The following CHD2 variants were observed in gnomAD, a reference collection of about 807,000 sequenced individuals.
CHD2 encodes the protein ATP-dependent chromatin remodeler CHD2.
Under a neutral mutation model 243.9 loss-of-function variants are expected in CHD2, and 28 were observed. That is an observed-to-expected ratio of 0.11 (90% confidence interval 0.09 to 0.16). The LOEUF is 0.16. Ranked by LOEUF, CHD2 falls within the 10% of genes least tolerant of loss-of-function variation. The pLI, the probability that CHD2 is intolerant of heterozygous loss-of-function variation, is 1.00. For synonymous variants in CHD2, 775 were observed against 779.0 expected (o/e 0.99, Z 0.09); for missense variants, 1,386 against 2,209.8 (o/e 0.63, Z 7.47).
intron 15 of CHD2, 126 bp downstream of exon 15, chr15:92,955,638 G>A: frequency 1.8e-6 from 1 of 567,560 alleles, no homozygotes; most frequent in Non-Finnish European, 3.0e-6. Context: ...AAAAACAAAT[G>A]GTAGGGTCTG....
intron 10 of CHD2, 125 bp from the exon 11 acceptor site, chr15:92,945,695 CA>C (rs1343967072): frequency 2.9e-4 from 161 of 558,778 alleles, no homozygotes; most frequent in African/African-American, 2.8e-3. Context: ...ACTATAATCC[CA>C]TTTTTTTTTT....
In CHD2 at chr15:93,024,631, C is replaced by T. The variant is rs2141761768; in HGVS notation, c.5413C>T (p.His1805Tyr). The T allele has an allele frequency of 1.7e-5, 27 of 1,614,200 alleles. No individual in the cohort carries two copies. The highest frequency in any genetic ancestry group is 2.3e-5 in the Non-Finnish European group (27 of 1,180,028). The change falls in exon 39 of 39, where the codon CAT becomes TAT. Residue 1805 changes from histidine (H) to tyrosine (Y), a missense_variant. Physicochemically the swap from His to Tyr is moderately conservative, Grantham distance 83. This residue lies in a region of CHD2 where 347 missense variants were observed against 341.6 expected (regional missense o/e 1.02). Coordinates refer to ENST00000394196, the MANE Select transcript of CHD2 (RefSeq NM_001271.4). Reference protein sequence around the residue: ...SPHDSKSPLDHRSPLERSLEQ... With the variant: ...SPHDSKSPLDYRSPLERSLEQ... ...TCACGATTCCAAGTCACCCCTGGATCATAGGTCTCCTTTGGAGAGATCACT... is the reference window on the plus strand; with the variant it reads ...TCACGATTCCAAGTCACCCCTGGATTATAGGTCTCCTTTGGAGAGATCACT...
intron 6 of CHD2, 24 bp from the exon 7 acceptor site, chr15:92,939,554 C>G (rs143657198): frequency 6.2e-7 from 1 of 1,606,156 alleles, no homozygotes; most frequent in East Asian, 2.2e-5. Context: ...AAGACTTAGC[C>G]TTTTGTTTCT....
Position 93,024,770 on chromosome 15 carries a change from C to T in CHD2, c.*65C>T, listed in dbSNP as rs868121591. ...CGTGGATATTTTTGGTCTGATCCTA[C>T]AGTAGCCGGTTATCTAGACCAGTAA... is the stretch of plus-strand genomic sequence containing the variant. On this transcript the variant is annotated 3_prime_UTR_variant, in exon 39 of 39. Transcript: ENST00000394196. The T allele has an allele frequency of 3.4e-5, 47 of 1,380,992 alleles. No individual in the cohort carries two copies. The highest frequency in any genetic ancestry group is 4.6e-5 in the Non-Finnish European group (46 of 1,006,566). The allele number at this position is 1,380,992 out of a possible 1,614,324, so 85.5% of individuals were successfully genotyped here.
intron 3 of CHD2, among the ~76,000 whole-genome samples, chr15:92,926,835 G>A (rs2053070734): frequency 6.6e-6 from 1 of 152,168 alleles, no homozygotes; most frequent in Non-Finnish European, 1.5e-5. Flanking sequence ...TAGACTTAAT[G>A]GGGGCTTTGC....
At position 92,979,250 on chromosome 15, in the gene CHD2, G is replaced by A. The variant is rs1158357314; in HGVS notation, c.2843G>A (p.Arg948Gln). 1.9e-6 allele frequency: 3 copies of A among 1,613,730 alleles called. No homozygotes were observed. The highest frequency in any genetic ancestry group is 2.7e-5 in the African/African-American group (2 of 74,858). The change falls in exon 22 of 39, where the codon CGG (arginine) becomes CAG (glutamine). Residue 948 changes from arginine to glutamine, a missense_variant. This residue lies in a region of CHD2 where 99 missense variants were observed against 206.4 expected (regional missense o/e 0.48). Transcript: ENST00000394196. Reference sequence around the variant, plus strand: ...ATTCAGCGCATGGACACCACTGGCCGGACGATCCTGGAAAACAACTCAGGA... The same window carrying A: ...ATTCAGCGCATGGACACCACTGGCCAGACGATCCTGGAAAACAACTCAGGA... ...LVIQRMDTTG[R>Q]TILENNSGRS... is the part of the protein sequence containing the mutation.
chr15:93,005,533 T>C lies in CHD2; in HGVS notation c.4413+782T>C, dbSNP rs974312114. On this transcript the variant is annotated intron_variant, in intron 34 of 38. Coordinates refer to ENST00000394196, the MANE Select transcript of CHD2 (RefSeq NM_001271.4). Reference sequence around the variant, plus strand: ...CATTAATCAAACGGCTCATTCAGGCTGAAAGAAAAAGCGGTTTTCTTTCAA... The same window carrying C: ...CATTAATCAAACGGCTCATTCAGGCCGAAAGAAAAAGCGGTTTTCTTTCAA... Among the ~76,000 whole-genome samples the C allele has an allele frequency of 1.6e-4, 25 of 152,046 alleles. No individual in the cohort carries two copies. The East Asian group carries it at 4.4e-3, about 27-fold the overall frequency.
Position 93,012,039 on chromosome 15 carries a change from G to A in CHD2, c.4593-306G>A, listed in dbSNP as rs569364355. On this transcript the variant is annotated intron_variant, in intron 35 of 38. Transcript: ENST00000394196. ...TGTCAGACTCTTTTGGCAGAACCATGTAAAGGTGTACGGTAAGTCCTCACA... is the reference window on the plus strand; with the variant it reads ...TGTCAGACTCTTTTGGCAGAACCATATAAAGGTGTACGGTAAGTCCTCACA... Among the ~76,000 whole-genome samples, 12 of 152,290 alleles carry A rather than the reference G, an allele frequency of 7.9e-5. No individual in the cohort carries two copies. The East Asian group carries it at 1.9e-3, about 24-fold the overall frequency.
Position 92,998,746 on chromosome 15 carries a change from G to GT in CHD2, c.4008+130dup. 1 of 1,226,870 alleles carries GT rather than the reference G, an allele frequency of 8.2e-7. No homozygotes were observed. Among genetic ancestry groups the GT allele is most frequent in the Non-Finnish European group, 1.1e-6 (1 of 885,434 alleles). The allele number at this position is 1,226,870 out of a possible 1,614,324, so 76.0% of individuals were successfully genotyped here. On this transcript the variant is annotated intron_variant, in intron 31 of 38. Coordinates refer to ENST00000394196, the MANE Select transcript of CHD2 (RefSeq NM_001271.4). The surrounding 1 kb of genome is among the most constrained non-coding windows in gnomAD (Gnocchi z 5.1). ...TGTCACCTTCTCATGGGCATATTTT[G>GT]TTTTTGAGGTTCCAGTAATGATGCT...
At chr15:92,907,478 T>C (rs2052644438) in intron 2 of CHD2, among the ~76,000 whole-genome samples, 1 of 152,240 alleles carries the variant, frequency 6.6e-6, no homozygotes, top group African/African-American at 2.4e-5. Flanking sequence ...CTTGATTTTA[T>C]ACTTTGGATT....
At chr15:92,977,678 A>AT (rs1238403407) in intron 20 of CHD2, among the ~76,000 whole-genome samples, 2 of 152,016 alleles carry the variant, frequency 1.3e-5, no homozygotes, top group African/African-American at 4.8e-5. Flanking sequence ...ACCTGTTTTG[A>AT]TTTTTTTATA....
At chr15:92,923,880 G>A (rs929185029) in intron 2 of CHD2, among the ~76,000 whole-genome samples, 1 of 151,996 alleles carries the variant, frequency 6.6e-6, no homozygotes, top group Non-Finnish European at 1.5e-5. Context: ...GTTTGGTTTT[G>A]TTCTGTGTTT....
intron 12 of CHD2, among the ~76,000 whole-genome samples, chr15:92,948,052 G>C (rs916311449): frequency 6.6e-6 from 1 of 152,010 alleles, no homozygotes; most frequent in African/African-American, 2.4e-5. Flanking sequence ...CTTTTTGATC[G>C]GTTGTTTCCT....
At chr15:92,979,649 T>C (rs540544210) in intron 22 of CHD2, among the ~76,000 whole-genome samples, 1 of 151,890 alleles carries the variant, frequency 6.6e-6, no homozygotes, top group Non-Finnish European at 1.5e-5. Context: ...TTTTTTTTTT[T>C]ACTATTGGCA....
chr15:93,004,157 T>C (rs1055171490), intron 33 of CHD2, among the ~76,000 whole-genome samples: 27 of 151,822 alleles, frequency 1.8e-4, no homozygotes, highest in Non-Finnish European at 3.2e-4. Context: ...CTGAAGTCAT[T>C]TTATATATTC....
At chr15:92,942,124 A>G (rs975027475) in intron 8 of CHD2, among the ~76,000 whole-genome samples, 169 bp downstream of exon 8, 1 of 152,224 alleles carries the variant, frequency 6.6e-6, no homozygotes, top group Admixed American at 6.5e-5. Flanking sequence ...GTATGTGTAC[A>G]CTATGTCTTT....
chr15:92,905,594 A>G (rs748142046), intron 2 of CHD2, among the ~76,000 whole-genome samples: 7 of 152,200 alleles, frequency 4.6e-5, no homozygotes, highest in Non-Finnish European at 1.0e-4. Context: ...GCGTATGTCA[A>G]GTTTCTGAAT....
chr15:92,935,404 C>T (rs2053248922), intron 5 of CHD2, among the ~76,000 whole-genome samples: 1 of 152,198 alleles, frequency 6.6e-6, no homozygotes, highest in Non-Finnish European at 1.5e-5. Context: ...AATCTGTAAT[C>T]TAACTGGAAA....
intron 38 of CHD2, chr15:93,021,149 T>G (rs1468544660): frequency 6.6e-6 from 1 of 152,264 alleles, no homozygotes; most frequent in Non-Finnish European, 1.5e-5. Flanking sequence ...AAAAGTATTT[T>G]GCCTTCATTT....
Sources: allele counts gnomAD v4.1 joint callset (sites outside exome capture counted in the v4.1 genomes callset), GRCh38; gene constraint gnomAD v4.1.1; regional missense constraint gnomAD v4.1.1; non-coding constraint Gnocchi (gnomAD v3.1); transcripts MANE v1.5; gene names NCBI Gene and HGNC (gene_info 2026-07-23, HGNC 2026-07-21).